The following SMC3 variants were observed in gnomAD, a reference collection of about 807,000 sequenced individuals.
SMC3 encodes the protein structural maintenance of chromosomes 3.
In SMC3, 20 loss-of-function variants were observed where a neutral mutation model predicts 171.8. The observed-to-expected ratio is 0.12, with a 90% CI of 0.08 to 0.17. The LOEUF (loss-of-function observed/expected upper bound fraction) is 0.17. Among genes scored for constraint, SMC3 ranks in the 10% least tolerant of loss-of-function variants. SMC3 has a pLI of 1.00. For synonymous variants in SMC3, 464 were observed against 451.1 expected, an observed-to-expected ratio of 1.03 and a Z score of -0.36; for missense variants, 543 against 1,420.4, an observed-to-expected ratio of 0.38 and a Z score of 9.93.
intron 7 of SMC3, among the ~76,000 whole-genome samples, chr10:110,580,392 T>C (rs767173053): frequency 2.0e-5 from 3 of 152,228 alleles, no homozygotes; most frequent in African/African-American, 7.2e-5. Flanking sequence ...CCTTATCATA[T>C]TGACTAAGAA....
intron 2 of SMC3, among the ~76,000 whole-genome samples, chr10:110,571,643 T>G (rs747582795): frequency 1.4e-4 from 21 of 152,184 alleles, no homozygotes; most frequent in Non-Finnish European, 3.1e-4. Flanking sequence ...CCAGAGGTAT[T>G]AGGAGACTGA....
intron 16 of SMC3, 136 bp downstream of exon 16, chr10:110,590,708 GTAGATGCTAAGTATTTGTTCCTAATTA>G: frequency 1.3e-6 from 1 of 771,310 alleles, no homozygotes; most frequent in Non-Finnish European, 2.1e-6. Context: ...AATTAAAGAA[GTAGATGCTAAGTATTTGTTCCTAATTA>G]TAGAAGCTAG....
At chr10:110,584,125 T>G in intron 12 of SMC3, 58 bp from the exon 13 acceptor site, 1 of 1,541,340 alleles carries the variant, frequency 6.5e-7, no homozygotes, top group African/African-American at 1.4e-5. Context: ...CATTATTGGT[T>G]GCAATTAAAC....
chr10:110,600,559 T>A lies in SMC3; in HGVS notation c.2535+13T>A. On this transcript the variant is annotated intron_variant, in intron 22 of 28. Coordinates refer to ENST00000361804, the MANE Select transcript of SMC3 (RefSeq NM_005445.4). ...CCAAGTAGAACAGGTGTGTATGTGT[T>A]TTTTTTTTTTTTTTTAAGGGCTCCT... 1.1e-6 allele frequency: 1 copy of A among 881,688 alleles called. No individual in the cohort carries two copies. The highest frequency in any genetic ancestry group is 1.6e-6 in the Non-Finnish European group (1 of 631,486). The allele number at this position is 881,688 out of a possible 1,614,324, so 54.6% of individuals were successfully genotyped here. A position where few individuals can be genotyped will look rare whatever the true frequency, so the allele number is the denominator to read the frequency against.
intron 7 of SMC3, among the ~76,000 whole-genome samples, chr10:110,579,416 G>A (rs1860999298): frequency 6.6e-6 from 1 of 152,126 alleles, no homozygotes; most frequent in Non-Finnish European, 1.5e-5. Context: ...TTTAAATGGA[G>A]GCTGATTTGA....
chr10:110,575,328 A>G lies in SMC3; in HGVS notation c.131-8A>G, dbSNP rs768529902. On this transcript the variant is annotated splice_polypyrimidine_tract_variant and splice_region_variant and intron_variant, in intron 3 of 28. Coordinates refer to ENST00000361804, the MANE Select transcript of SMC3 (RefSeq NM_005445.4). ...AGGGTATACTAATAGTTGTTTTTGT[A>G]TTTCCAGCAATTCAGTTTGTTCTCA... 3.1e-6 allele frequency: 5 copies of G among 1,612,254 alleles called. No individual in the cohort carries two copies. The highest frequency in any genetic ancestry group is 4.2e-6 in the Non-Finnish European group (5 of 1,178,586).
intron 19 of SMC3, 122 bp downstream of exon 19, chr10:110,596,672 TTA>T: frequency 1.1e-6 from 1 of 886,504 alleles, no homozygotes; most frequent in Non-Finnish European, 1.7e-6. Flanking sequence ...GTTCAAGAGC[TTA>T]TGTTTGTTTA....
chr10:110,578,375 A>G (rs1170372283), intron 6 of SMC3, among the ~76,000 whole-genome samples: 2 of 152,206 alleles, frequency 1.3e-5, no homozygotes, highest in Non-Finnish European at 2.9e-5. Context: ...CCAGCCCGCA[A>G]TTTTATGATT....
intron 25 of SMC3, 127 bp downstream of exon 25, chr10:110,602,305 A>G (rs892638226): frequency 1.0e-6 from 1 of 983,340 alleles, no homozygotes; most frequent in East Asian, 2.6e-5. Flanking sequence ...GAACAAACCT[A>G]GCATATAGGT....
At chr10:110,586,899 C>G (rs563500602) in intron 13 of SMC3, among the ~76,000 whole-genome samples, 120 of 152,060 alleles carry the variant, frequency 7.9e-4, no homozygotes, top group Non-Finnish European at 1.4e-3. Context: ...TCAGGTGATC[C>G]GCCCACCTGA....
rs1464201904 is a variant in SMC3 at position 110,601,651 on chromosome 10, A to G, written c.2659A>G (p.Ile887Val). Residue 887 changes from isoleucine (I) to valine (V), a missense_variant, in exon 24 of 29, where the codon ATT becomes GTT. This residue lies in a region of SMC3 where 81 missense variants were observed against 184.2 expected (regional missense o/e 0.44). Coordinates refer to ENST00000361804, the MANE Select transcript of SMC3 (RefSeq NM_005445.4). ...CCCCATCTTAGATTTGGACAATTCC[A>G]TTGATAAAACAGAAGCTGGAATTAA... ...MARSEDLDNSIDKTEAGIKEL... is the reference protein window; with the variant it reads ...MARSEDLDNSVDKTEAGIKEL... 6.2e-7 allele frequency: 1 copy of G among 1,612,152 alleles called. No homozygotes were observed. Among genetic ancestry groups the G allele is most frequent in the South Asian group, 1.1e-5 (1 of 91,056 alleles).
chr10:110,603,325 T>G, intron 28 of SMC3, 35 bp downstream of exon 28: 1 of 1,249,854 alleles, frequency 8.0e-7, no homozygotes, highest in Non-Finnish European at 1.2e-6. Context: ...AAGTTTGTAT[T>G]TATTCAATTA....
intron 20 of SMC3, among the ~76,000 whole-genome samples, chr10:110,599,387 G>A (rs571466717): frequency 2.6e-5 from 4 of 152,248 alleles, no homozygotes; most frequent in South Asian, 2.1e-4. Context: ...GAGCCACTGC[G>A]CCCGGCAACT....
chr10:110,583,820 G>A, intron 11 of SMC3, 21 bp from the exon 12 acceptor site: 2 of 1,607,494 alleles, frequency 1.2e-6, no homozygotes, highest in Non-Finnish European at 1.7e-6. Flanking sequence ...AAAGCAGTTT[G>A]CATTTTTACT....
In SMC3 at chr10:110,605,199, G is replaced by A. The variant is rs1050956541; in HGVS notation, c.*897G>A. Among the ~76,000 whole-genome samples, 2 of 152,088 alleles carry A rather than the reference G, an allele frequency of 1.3e-5. No individual in the cohort carries two copies. Among genetic ancestry groups the A allele is most frequent in the Non-Finnish European group, 2.9e-5 (2 of 67,990 alleles). Reference sequence around the variant, plus strand: ...TGATCACCTACCCAACATTGTACTTGCCAGGTTTCTTTGTTGTGAAGTTAC... The same window carrying A: ...TGATCACCTACCCAACATTGTACTTACCAGGTTTCTTTGTTGTGAAGTTAC... On this transcript the variant is annotated 3_prime_UTR_variant, in exon 29 of 29. Transcript: ENST00000361804.
Position 110,571,945 on chromosome 10 carries a change from G to C in SMC3, c.92-1762G>C, listed in dbSNP as rs565072642. 1.3e-4 allele frequency among the ~76,000 whole-genome samples: 20 copies of C among 152,222 alleles called. No individual in the cohort carries two copies. The East Asian group carries it at 2.1e-3, about 16-fold the overall frequency. Reference sequence around the variant, plus strand: ...TGCTATATAGTGTTCCACTCTAGCAGTAATTCTTAAAAGGAAATTCTTAAA... The same window carrying C: ...TGCTATATAGTGTTCCACTCTAGCACTAATTCTTAAAAGGAAATTCTTAAA... On this transcript the variant is annotated intron_variant, in intron 2 of 28. Coordinates refer to ENST00000361804, the MANE Select transcript of SMC3 (RefSeq NM_005445.4).
At position 110,602,982 on chromosome 10, in the gene SMC3, A is replaced by T; in HGVS notation, c.3455A>T (p.Gln1152Leu). 1 of 1,614,186 alleles carries T rather than the reference A, an allele frequency of 6.2e-7. No individual in the cohort carries two copies. The highest frequency in any genetic ancestry group is 2.2e-5 in the East Asian group (1 of 44,884). Residue 1152 changes from glutamine (Q) to leucine (L), a missense_variant, in exon 27 of 29, where the codon CAG becomes CTG. Gln to Leu is a moderately radical substitution (Grantham distance 113). This residue lies in a region of SMC3 where 31 missense variants were observed against 150.9 expected (regional missense o/e 0.21). Coordinates refer to ENST00000361804, the MANE Select transcript of SMC3 (RefSeq NM_005445.4). ...GAAATTGACCAGGCTCTGGATGCTC[A>T]GCACAGAAAGGCTGTGTCAGGTACA... ...FDEIDQALDA[Q>L]HRKAVSDMIM...
rs553260142 is a variant in SMC3 at position 110,604,822 on chromosome 10, GCCCCTA to G, written c.*523_*528del. Reference sequence around the variant, plus strand: ...GTTTGGGAAGGGAAGCACAAAATCAGCCCCTACCATGGTATATTTATCATTGATACA... The same window carrying G: ...GTTTGGGAAGGGAAGCACAAAATCAGCCATGGTATATTTATCATTGATACA... On this transcript the variant is annotated 3_prime_UTR_variant, in exon 29 of 29. Coordinates refer to ENST00000361804, the MANE Select transcript of SMC3 (RefSeq NM_005445.4). Among the ~76,000 whole-genome samples the G allele has an allele frequency of 1.0e-3, 154 of 152,236 alleles. 1 individual carries two copies. Among genetic ancestry groups the G allele is most frequent in the Non-Finnish European group, 1.6e-3 (112 of 67,986 alleles).
chr10:110,590,909 A>T, intron 16 of SMC3, 82 bp from the exon 17 acceptor site: 2 of 1,247,486 alleles, frequency 1.6e-6, no homozygotes, highest in Non-Finnish European at 2.4e-6. Context: ...CAGGAGGCTG[A>T]GGTGGGAGGA....
Sources: allele counts gnomAD v4.1 joint callset (sites outside exome capture counted in the v4.1 genomes callset), GRCh38; gene constraint gnomAD v4.1.1; regional missense constraint gnomAD v4.1.1; transcripts MANE v1.5; gene names NCBI Gene and HGNC (gene_info 2026-07-23, HGNC 2026-07-21).